DIS3: variants seen among roughly 807,000 people sequenced by gnomAD.
DIS3 encodes the protein exosome complex exonuclease RRP44.
In DIS3, 103 loss-of-function variants were observed where a neutral mutation model predicts 113.0. The ratio of observed to expected loss-of-function variants is 0.91; its 90% CI spans 0.78 to 1.07. DIS3 has a LOEUF of 1.07. Ranked by LOEUF, DIS3 falls within the 50% of genes least tolerant of loss-of-function variation. The pLI, the probability that DIS3 is intolerant of heterozygous loss-of-function variation, is 0.00. For missense variants in DIS3, 1,121 were observed against 1,167.1 expected (o/e 0.96, Z 0.58); for synonymous variants, 402 against 394.3 (o/e 1.02, Z -0.23).
chr13:72,753,634 A>AAAAT lies in DIS3; in HGVS notation c.*6160_*6161insATTT. ...AGAGTTTATAGTGGTTTACTTATTT[A>AAAAT]AATATTTGACTTTTAAGTTCCTCAC... On this transcript the variant is annotated 3_prime_UTR_variant, in exon 21 of 21. Transcript: ENST00000377767. The AAAAT allele has an allele frequency of 6.5e-7, 1 of 1,535,642 alleles. No homozygotes were observed. Among genetic ancestry groups the AAAAT allele is most frequent in the Non-Finnish European group, 8.9e-7 (1 of 1,122,154 alleles).
chr13:72,763,525 G>T lies in DIS3; in HGVS notation c.2053C>A (p.His685Asn), dbSNP rs769033967. The T allele has an allele frequency of 2.5e-6, 4 of 1,613,906 alleles. No homozygotes were observed. Among genetic ancestry groups the T allele is most frequent in the Non-Finnish European group, 3.4e-6 (4 of 1,179,972 alleles). ...GCAGGATGTTTTCGAAGCAGAGCAT[G>T]TTCAGAAAATTCCTCATGAATTTTT... ...AKKIHEEFSEHALLRKHPAPP... is the reference protein window; with the variant it reads ...AKKIHEEFSENALLRKHPAPP... The change falls in exon 16 of 21, where the codon CAT (histidine) becomes AAT (asparagine). Residue 685 changes from histidine (H) to asparagine (N), a missense_variant. By Grantham distance (68) the His-to-Asn change is moderately conservative. Coordinates refer to ENST00000377767, the MANE Select transcript of DIS3 (RefSeq NM_014953.5).
At chr13:72,777,315 C>A in intron 4 of DIS3, 105 bp downstream of exon 4, 1 of 1,052,278 alleles carries the variant, frequency 9.5e-7, no homozygotes, top group Non-Finnish European at 1.4e-6. Flanking sequence ...CCAAATCCAG[C>A]TTACCCACCG....
At position 72,778,276 on chromosome 13, in the gene DIS3, G is replaced by C. The variant is rs137882148; in HGVS notation, c.491C>G (p.Ser164Ter). 5 of 1,606,590 alleles carry C rather than the reference G, an allele frequency of 3.1e-6. No homozygotes were observed. In the Admixed American group the frequency reaches 8.3e-5, roughly 27 times the overall value. The change falls in exon 3 of 21, where the codon TCA (serine) becomes TGA (stop). Residue 164 changes from serine to a stop codon, truncating the protein, a stop_gained. Transcript: ENST00000377767. LOFTEE classifies it high-confidence loss of function. The stretch of plus-strand genomic sequence containing the variant: ...GATAACTTGCAGCTGGTTGTCTGCT[G>C]ACATTTTTTTCAAATGTTCATTGTA... ...KWYNEHLKKM[S>*]ADNQLQVIFI...
chr13:72,773,213 C>G (rs1265773688), intron 8 of DIS3, among the ~76,000 whole-genome samples: 1 of 152,176 alleles, frequency 6.6e-6, no homozygotes, highest in Admixed American at 6.5e-5. Flanking sequence ...TGGCTCATGC[C>G]TGTAATCTCA....
chr13:72,777,528 G>A, intron 3 of DIS3, 35 bp from the exon 4 acceptor site: 1 of 1,587,368 alleles, frequency 6.3e-7, no homozygotes, highest in Non-Finnish European at 8.6e-7. Flanking sequence ...TTTGATAAGT[G>A]TTTTTTCCTT....
In DIS3 at chr13:72,760,571, A is replaced by G. The variant is rs780594935; in HGVS notation, c.2751T>C (p.Asn917=). The G allele has an allele frequency of 2.5e-6, 4 of 1,613,706 alleles. No individual in the cohort carries two copies. The highest frequency in any genetic ancestry group is 2.5e-6 in the Non-Finnish European group (3 of 1,179,708). Residue 917 remains asparagine (N), a synonymous_variant, in exon 20 of 21, where the codon AAT becomes AAC. Transcript: ENST00000377767. ...VKVKIMLDSS[N]LQHQKIRMSL... ...ACATTCGGATCTTCTGATGTTGAAG[A>G]TTAGATGAGTCTAACATGATTTTCA...
intron 3 of DIS3, among the ~76,000 whole-genome samples, chr13:72,777,848 A>C (rs1250028243): frequency 6.6e-6 from 1 of 151,856 alleles, no homozygotes; most frequent in East Asian, 1.9e-4. Flanking sequence ...TGACCTCCCA[A>C]AGTGCTGGGA....
At position 72,755,268 on chromosome 13, in the gene DIS3, G is replaced by T; in HGVS notation, c.*4527C>A. On this transcript the variant is annotated 3_prime_UTR_variant, in exon 21 of 21. Transcript: ENST00000377767. ...AGCTTAAGAGTTCCTCGCATATATC[G>T]TTGTGCACAGGATCAACATGATGGT... The T allele has an allele frequency of 6.9e-7, 1 of 1,444,992 alleles. No individual in the cohort carries two copies. The highest frequency in any genetic ancestry group is 9.7e-7 in the Non-Finnish European group (1 of 1,030,932). The allele number at this position is 1,444,992 out of a possible 1,614,324, so 89.5% of individuals were successfully genotyped here.
At chr13:72,780,819 T>C (rs2034172485) in intron 2 of DIS3, 27 bp downstream of exon 2, 2 of 1,568,380 alleles carry the variant, frequency 1.3e-6, no homozygotes, top group Non-Finnish European at 1.7e-6. Flanking sequence ...TGTGGTTTTC[T>C]GATATTTAAC....
intron 8 of DIS3, 22 bp downstream of exon 8, chr13:72,773,662 A>C: frequency 1.3e-6 from 2 of 1,591,558 alleles, no homozygotes; most frequent in Non-Finnish European, 1.7e-6. Flanking sequence ...ATCCCCACAT[A>C]AAATTAATAC....
At chr13:72,768,469 G>T (rs192579836) in intron 14 of DIS3, among the ~76,000 whole-genome samples, 87 of 152,236 alleles carry the variant, frequency 5.7e-4, no homozygotes, top group African/African-American at 2.0e-3. Context: ...GGCCAACAAG[G>T]TGAAACTCCA....
At chr13:72,777,180 A>C (rs2034036733) in intron 4 of DIS3, among the ~76,000 whole-genome samples, 3 of 152,164 alleles carry the variant, frequency 2.0e-5, no homozygotes, top group Admixed American at 2.0e-4. Flanking sequence ...TCAACCAAAC[A>C]GTGCTACCAG....
chr13:72,781,655 A>G lies in DIS3; in HGVS notation c.178T>C (p.Cys60Arg). ...PQPQDPASSV[C>R]PQPHYLLPDT... ...GGCAGCAAGTAGTGCGGTTGCGGGC[A>G]GACGCTGCTCGCCGGGTCCTGGGGC... is the stretch of plus-strand genomic sequence containing the variant. The change falls in exon 1 of 21, where the codon TGC becomes CGC. Residue 60 changes from cysteine (C) to arginine (R), a missense_variant. This residue lies in a region of DIS3 where 254 missense variants were observed against 232.2 expected (regional missense o/e 1.09). Transcript: ENST00000377767. 3 of 1,546,402 alleles carry G rather than the reference A, an allele frequency of 1.9e-6. No individual in the cohort carries two copies. Among genetic ancestry groups the G allele is most frequent in the Non-Finnish European group, 2.6e-6 (3 of 1,144,874 alleles).
At chr13:72,769,243 A>G (rs2033828075) in intron 13 of DIS3, among the ~76,000 whole-genome samples, 1 of 152,218 alleles carries the variant, frequency 6.6e-6, no homozygotes, top group Admixed American at 6.5e-5. Flanking sequence ...GGTAGGTTAG[A>G]TCGATTCCTT....
chr13:72,766,697 G>C (rs549185858), intron 14 of DIS3, among the ~76,000 whole-genome samples: 1 of 152,318 alleles, frequency 6.6e-6, no homozygotes, highest in South Asian at 2.1e-4. Context: ...CCTTTGGAAA[G>C]TAAATTCCCA....
Position 72,780,922 on chromosome 13 carries a change from G to C in DIS3, c.310C>G (p.Pro104Ala), listed in dbSNP as rs199571755. ...ACATCTCGGATGCGTTTATATACGG[G>C]GGCACTGCGATTTCTCACTTCTTGA... Reference protein sequence around the residue: ...VLQEVRNRSAPVYKRIRDVTN... With the variant: ...VLQEVRNRSAAVYKRIRDVTN... The change falls in exon 2 of 21, where the codon CCC (proline) becomes GCC (alanine). Residue 104 changes from proline to alanine, a missense_variant. Transcript: ENST00000377767. 1.9e-6 allele frequency: 3 copies of C among 1,612,898 alleles called. No homozygotes were observed. The East Asian group carries it at 6.7e-5, about 36-fold the overall frequency.
At position 72,760,771 on chromosome 13, in the gene DIS3, G is replaced by A. The variant is rs190136553; in HGVS notation, c.2671-120C>T. 1.7e-5 allele frequency: 21 copies of A among 1,228,508 alleles called. No individual in the cohort carries two copies. The African/African-American group carries it at 2.0e-4, about 12-fold the overall frequency. The allele number at this position is 1,228,508 out of a possible 1,614,324, so 76.1% of individuals were successfully genotyped here. A position where few individuals can be genotyped will look rare whatever the true frequency, so the allele number is the denominator to read the frequency against. On this transcript the variant is annotated intron_variant, in intron 19 of 20. Coordinates refer to ENST00000377767, the MANE Select transcript of DIS3 (RefSeq NM_014953.5). The stretch of plus-strand genomic sequence containing the variant: ...AATATAAAAATTAGTAAGCATCTAC[G>A]TGTTCAACATAACAAAGGCCACAAA...
chr13:72,775,257 C>T lies in DIS3; in HGVS notation c.941G>A (p.Gly314Asp). ...TTTCTCCACATCTTCTTCATTTTGA[C>T]CTTCATCATGTAAAACCACAGAAGA... Reference protein sequence around the residue: ...APSSVVLHDEGQNEEDVEKEE... With the variant: ...APSSVVLHDEDQNEEDVEKEE... Residue 314 changes from glycine (G) to aspartate (D), a missense_variant, in exon 6 of 21, where the codon GGT becomes GAT. Around this residue, in one of 3 missense-constraint regions of DIS3, gnomAD observed 861 missense variants for 915.5 expected, o/e 0.94. Transcript: ENST00000377767. 1 of 1,613,446 alleles carries T rather than the reference C, an allele frequency of 6.2e-7. No homozygotes were observed. The highest frequency in any genetic ancestry group is 2.2e-5 in the East Asian group (1 of 44,842).
intron 2 of DIS3, among the ~76,000 whole-genome samples, chr13:72,780,268 G>A (rs1041396242): frequency 5.9e-5 from 8 of 135,004 alleles, no homozygotes; most frequent in Non-Finnish European, 1.1e-4. Flanking sequence ...GGAGGTTGCA[G>A]TGAGCAGAGA....
Sources: gnomAD v4.1 joint callset for allele counts (sites outside exome capture counted in the v4.1 genomes callset) on GRCh38, gnomAD v4.1.1 for gene constraint, gnomAD v4.1.1 regional missense constraint, MANE v1.5 for transcripts, NCBI Gene and HGNC (gene_info 2026-07-23, HGNC 2026-07-21) for gene names.